CHODL: variants seen among roughly 807,000 people sequenced by gnomAD.
The protein encoded by CHODL is chondrolectin, also known as transmembrane protein MT75.
In CHODL, 29 loss-of-function variants were observed where a neutral mutation model predicts 34.5. The ratio of observed to expected loss-of-function variants is 0.84; its 90% CI spans 0.63 to 1.15. CHODL has a LOEUF of 1.15. Ranked by LOEUF, CHODL falls within the 50% of genes most tolerant of loss-of-function variation. The pLI is 0.00. For missense variants in CHODL, 332 were observed against 332.5 expected (o/e 1.00, Z 0.01); for synonymous variants, 125 against 116.1 (o/e 1.08, Z -0.49).
At chr21:18,116,771 C>T (rs1309511821) in intron 2 of CHODL, among the ~76,000 whole-genome samples, 2 of 152,278 alleles carry the variant, frequency 1.3e-5, no homozygotes, top group East Asian at 1.9e-4. Context: ...GAAGACGTCA[C>T]CTGCTAGGGA....
At chr21:18,261,508 A>C (rs1209486726) in intron 4 of CHODL, among the ~76,000 whole-genome samples, 3 of 152,074 alleles carry the variant, frequency 2.0e-5, no homozygotes, top group Non-Finnish European at 4.4e-5. Flanking sequence ...TCTACTAAAA[A>C]ATACAAAAAT....
chr21:18,174,099 A>AGATATATATATATATCTTGG (rs1568922992), intron 2 of CHODL, among the ~76,000 whole-genome samples: 25 of 490 alleles, frequency 0.051, 5 homozygotes, highest in Non-Finnish European at 0.18. Context: ...CAAATACAGG[A>AGATATATATATATATCTTGG]TATATATATA....
At chr21:18,100,335 T>C (rs533670706) in intron 2 of CHODL, among the ~76,000 whole-genome samples, 3 of 152,074 alleles carry the variant, frequency 2.0e-5, no homozygotes, top group Admixed American at 6.6e-5. Context: ...AGGATGATAA[T>C]GTCTTTATAA....
intron 1 of CHODL, among the ~76,000 whole-genome samples, chr21:17,990,546 G>A (rs1190388066): frequency 1.3e-5 from 2 of 152,044 alleles, no homozygotes; most frequent in Non-Finnish European, 2.9e-5. Flanking sequence ...GTTTCAAGTA[G>A]TTTAGGCAAT....
chr21:18,136,835 T>G (rs2146603963), intron 2 of CHODL, among the ~76,000 whole-genome samples: 1 of 149,788 alleles, frequency 6.7e-6, no homozygotes, highest in South Asian at 2.1e-4. Flanking sequence ...TATAAATAGT[T>G]TTTGTTAGGA....
chr21:17,924,979 G>A (rs111290799), intron 1 of CHODL, among the ~76,000 whole-genome samples: 1 of 152,124 alleles, frequency 6.6e-6, no homozygotes, highest in African/African-American at 2.4e-5. Context: ...TTGGGAATCA[G>A]GATTAAGACA....
chr21:18,111,934 C>G (rs749986843), intron 2 of CHODL, among the ~76,000 whole-genome samples: 1 of 152,156 alleles, frequency 6.6e-6, no homozygotes, highest in Non-Finnish European at 1.5e-5. Context: ...GCAAAGGTCT[C>G]TCCTATCAGT....
At chr21:18,240,871 G>A (rs186692794), upstream of CHODL, among the ~76,000 whole-genome samples, 289 of 152,254 alleles carry the variant, frequency 1.9e-3, 5 homozygotes, top group Middle Eastern at 6.8e-3. Flanking sequence ...ATCAGAGCAT[G>A]CAACAGACTG....
intron 1 of CHODL, among the ~76,000 whole-genome samples, chr21:17,977,452 G>A (rs982090537): frequency 2.7e-5 from 4 of 147,114 alleles, no homozygotes; most frequent in African/African-American, 1.0e-4. Context: ...TGCAACCTCC[G>A]CCTTCGGAGT....
At chr21:18,254,254 A>G (rs2074290501) in intron 1 of CHODL, among the ~76,000 whole-genome samples, 1 of 151,170 alleles carries the variant, frequency 6.6e-6, no homozygotes, top group African/African-American at 2.5e-5. Context: ...GGCCATAAAT[A>G]CCAACAGGAA....
chr21:18,127,875 G>A (rs1057414260), intron 2 of CHODL, among the ~76,000 whole-genome samples: 3 of 151,748 alleles, frequency 2.0e-5, no homozygotes, highest in African/African-American at 4.8e-5. Context: ...GTGGGACACC[G>A]TCAAACAGAC....
At chr21:18,034,307 C>G (rs2146444088) in intron 2 of CHODL, among the ~76,000 whole-genome samples, 1 of 152,068 alleles carries the variant, frequency 6.6e-6, no homozygotes, top group East Asian at 1.9e-4. Flanking sequence ...ACCAGGTGAC[C>G]TGAAATACAT....
chr21:18,263,984 T>C lies in CHODL; in HGVS notation c.737+1091T>C, dbSNP rs1412453447. Among the ~76,000 whole-genome samples, 3 of 152,182 alleles carry C rather than the reference T, an allele frequency of 2.0e-5. No homozygotes were observed. In the East Asian group the frequency reaches 5.8e-4, roughly 29 times the overall value. ...TTATTTTCCATACATGTTAGATGAC[T>C]GTAGAATAAAGTTGTGCTGATCTTA... On this transcript the variant is annotated intron_variant, in intron 5 of 5. Coordinates refer to ENST00000299295, the MANE Select transcript of CHODL (RefSeq NM_024944.3).
At chr21:18,034,785 T>G (rs1436309101) in intron 2 of CHODL, among the ~76,000 whole-genome samples, 8 of 152,070 alleles carry the variant, frequency 5.3e-5, no homozygotes, top group Admixed American at 5.2e-4. Flanking sequence ...TGTAGGAGAC[T>G]GAAGTTCTTT....
chr21:18,174,121 G>GTATATATA lies in CHODL; in HGVS notation c.-44-82387_-44-82386insATATATAT, dbSNP rs1491107369. ...AGGATATATATATATATATATCTTG[G>GTATATATA]TGTATATATATATATATATATATAT... On this transcript the variant is annotated intron_variant, in intron 2 of 6. Coordinates refer to the CHODL transcript ENST00000400127. Among the ~76,000 whole-genome samples, 13 of 60,864 alleles carry GTATATATA rather than the reference G, an allele frequency of 2.1e-4. 1 individual carries two copies. The highest frequency in any genetic ancestry group is 1.2e-3 in the South Asian group (2 of 1,702). 39.9% of individuals were successfully genotyped at this position (60,864 alleles called of 152,430 possible). A position where few individuals can be genotyped will look rare whatever the true frequency, so the allele number is the denominator to read the frequency against.
At chr21:17,934,446 T>TCTCC (rs1335955804) in intron 1 of CHODL, among the ~76,000 whole-genome samples, 1 of 151,988 alleles carries the variant, frequency 6.6e-6, no homozygotes, top group Non-Finnish European at 1.5e-5. Context: ...TCTCTCTCTC[T>TCTCC]CCCTATTAGT....
intron 2 of CHODL, among the ~76,000 whole-genome samples, chr21:18,223,925 G>C (rs113884093): frequency 1.3e-5 from 2 of 152,096 alleles, no homozygotes; most frequent in African/African-American, 2.4e-5. Flanking sequence ...AAATGGAGCC[G>C]ATTATTACCA....
intron 2 of CHODL, among the ~76,000 whole-genome samples, chr21:18,042,534 G>T (rs960148931): frequency 6.6e-6 from 1 of 151,984 alleles, no homozygotes; most frequent in Admixed American, 6.6e-5. Flanking sequence ...ACTTGCTCTT[G>T]TCACCCAGCC....
chr21:18,169,357 G>A (rs1161378798), intron 2 of CHODL, among the ~76,000 whole-genome samples: 2 of 151,032 alleles, frequency 1.3e-5, no homozygotes, highest in African/African-American at 4.8e-5. Flanking sequence ...GTAATGTTCC[G>A]TCTTTCATTA....
Sources: gnomAD v4.1 joint callset for allele counts (sites outside exome capture counted in the v4.1 genomes callset) on GRCh38, gnomAD v4.1.1 for gene constraint, MANE v1.5 for transcripts, NCBI Gene and HGNC (gene_info 2026-07-23, HGNC 2026-07-21) for gene names.